Variants in PKD1 observed in about 807,000 individuals in gnomAD.
The protein encoded by PKD1 is polycystin-1.
A neutral mutation model predicts 361.7 loss-of-function variants in PKD1; 81 were observed. The ratio of observed to expected loss-of-function variants is 0.22; its 90% confidence interval spans 0.19 to 0.27. PKD1 has a LOEUF of 0.27. Ranked by LOEUF, PKD1 falls within the 10% of genes least tolerant of loss-of-function variation. The probability of loss-of-function intolerance (pLI) is 1.00; values close to 1 mark genes in which losing one functional copy is unlikely to be tolerated. For missense variants in PKD1, 6,399 were observed against 6,118.3 expected, an observed-to-expected ratio of 1.05 and a Z score of -1.53; for synonymous variants, 3,615 against 2,818.3, an observed-to-expected ratio of 1.28 and a Z score of -8.95.
Position 2,092,603 on chromosome 16 carries a change from A to G in PKD1, c.11157-11T>C. The G allele has an allele frequency of 6.3e-7, 1 of 1,580,406 alleles. No homozygotes were observed. The highest frequency in any genetic ancestry group is 8.7e-7 in the Non-Finnish European group (1 of 1,152,110). On this transcript the variant is annotated splice_polypyrimidine_tract_variant and intron_variant, in intron 38 of 45. Coordinates refer to ENST00000262304, the MANE Select transcript of PKD1 (RefSeq NM_001009944.3). Reference sequence around the variant, plus strand: ...CAGAGCTCCTCAGACCTGCCACAGCATCAGTCACACGCTCCAGCCCCTACT... The same window carrying G: ...CAGAGCTCCTCAGACCTGCCACAGCGTCAGTCACACGCTCCAGCCCCTACT...
chr16:2,119,684 G>A lies in PKD1; in HGVS notation c.216-306C>T, dbSNP rs1021086547. On this transcript the variant is annotated intron_variant, in intron 1 of 45. Transcript: ENST00000262304. ...ACGGACCCCCAACCCATCCCACGCA[G>A]GGCCAAGGCCCCCCATCCCCTGTCC... 1.2e-5 allele frequency: 7 copies of A among 606,964 alleles called. No homozygotes were observed. In the African/African-American group the frequency reaches 1.3e-4, roughly 11 times the overall value. The allele number at this position is 606,964 out of a possible 1,614,324, so 37.6% of individuals were successfully genotyped here.
intron 34 of PKD1, among the ~76,000 whole-genome samples, chr16:2,096,223 CCCCTGTGCATGCAGG>C (rs1212080105): frequency 2.0e-5 from 3 of 152,278 alleles, no homozygotes; most frequent in African/African-American, 7.2e-5. Context: ...GACACCGCAG[CCCCTGTGCATGCAGG>C]CCCTGTGGTG....
At position 2,098,004 on chromosome 16, in the gene PKD1, G is replaced by A. The variant is rs1188739683; in HGVS notation, c.10051-20C>T. 6.3e-6 allele frequency: 9 copies of A among 1,437,756 alleles called. No homozygotes were observed. The highest frequency in any genetic ancestry group is 8.7e-6 in the Non-Finnish European group (9 of 1,030,060). 89.1% of individuals were successfully genotyped at this position (1,437,756 alleles called of 1,614,324 possible). On this transcript the variant is annotated intron_variant, in intron 30 of 45. Coordinates refer to ENST00000262304, the MANE Select transcript of PKD1 (RefSeq NM_001009944.3). ...AGCCACCTGCAGGACGAGGGCAGTG[G>A]TCAGCGGGCGGCAGCTCAGACCTGC...
chr16:2,098,045 G>C (rs1596504087), intron 30 of PKD1, 61 bp from the exon 31 acceptor site: 4 of 842,598 alleles, frequency 4.7e-6, no homozygotes, highest in African/African-American at 3.3e-5. Flanking sequence ...ACAGGGATGA[G>C]AAGCCACCTC....
At chr16:2,101,477 T>G (rs1428476189) in intron 26 of PKD1, among the ~76,000 whole-genome samples, 1 of 151,964 alleles carries the variant, frequency 6.6e-6, no homozygotes, top group East Asian at 1.9e-4. Context: ...ATTAACTGGG[T>G]GTGGTGGTGT....
chr16:2,093,003 T>G lies in PKD1; in HGVS notation c.11107A>C (p.Ser3703Arg). 1.9e-6 allele frequency: 3 copies of G among 1,612,940 alleles called. No individual in the cohort carries two copies. Among genetic ancestry groups the G allele is most frequent in the Non-Finnish European group, 2.5e-6 (3 of 1,179,982 alleles). The change falls in exon 38 of 46, where the codon AGC (serine) becomes CGC (arginine). Residue 3703 changes from serine (S) to arginine (R), a missense_variant. By Grantham distance (110) the Ser-to-Arg change is moderately radical. Coordinates refer to ENST00000262304, the MANE Select transcript of PKD1 (RefSeq NM_001009944.3). ...SCHGHAYRLQSAIKQELHSRA... is the reference protein window; with the variant it reads ...SCHGHAYRLQRAIKQELHSRA... ...CTGTGCAGCTCCTGCTTGATGGCGC[T>G]TTGCAGACGGTAGGCGTGCCCATGG...
rs142575178 is a variant in PKD1 at position 2,110,295 on chromosome 16, G to A, written c.4872C>T (p.Ile1624=). Residue 1624 remains isoleucine (I), a synonymous_variant, in exon 15 of 46, where the codon ATC becomes ATT. Coordinates refer to ENST00000262304, the MANE Select transcript of PKD1 (RefSeq NM_001009944.3). Reference sequence around the variant, plus strand: ...CTATGAGCTGCAGGACATAGACGAAGATGCTGTCCTGGGCGGAGCCCACCT... The same window carrying A: ...CTATGAGCTGCAGGACATAGACGAAAATGCTGTCCTGGGCGGAGCCCACCT... ...ENEVGSAQDS[I]FVYVLQLIEG... 592 of 1,612,654 alleles carry A rather than the reference G, an allele frequency of 3.7e-4. 3 individuals are homozygous for A. The African/African-American group carries it at 7.3e-3, about 20-fold the overall frequency.
In PKD1 at chr16:2,094,181, GTC is replaced by G. The variant is rs1378307448; in HGVS notation, c.10527_10528del (p.Glu3509AspfsTer117). On this transcript the variant is annotated frameshift_variant, in exon 35 of 46. Coordinates refer to ENST00000262304, the MANE Select transcript of PKD1 (RefSeq NM_001009944.3). LOFTEE classifies it high-confidence loss of function. ...CTCCCCCAGCCTCTGCAGCGCCAGCGTCTCTGTCTTCTCCCCAGGAGTGCTGG... is the reference window on the plus strand; with the variant it reads ...CTCCCCCAGCCTCTGCAGCGCCAGCGTCTGTCTTCTCCCCAGGAGTGCTGG... The G allele has an allele frequency of 6.2e-7, 1 of 1,605,638 alleles. No individual in the cohort carries two copies. The highest frequency in any genetic ancestry group is 1.3e-5 in the African/African-American group (1 of 74,828).
rs745343302 is a variant in PKD1 at position 2,114,594 on chromosome 16, T to C, written c.2429A>G (p.Asn810Ser). The C allele has an allele frequency of 1.8e-5, 29 of 1,591,608 alleles. No individual in the cohort carries two copies. The highest frequency in any genetic ancestry group is 2.3e-4 in the Middle Eastern group (1 of 4,438). ...AEVGNGVSRH[N>S]LSCSFDVVSP... Reference sequence around the variant, plus strand: ...GACCACGTCAAAGCTGCAGGAGAGGTTGTGCCTGGACACGCCATTGCCCAC... The same window carrying C: ...GACCACGTCAAAGCTGCAGGAGAGGCTGTGCCTGGACACGCCATTGCCCAC... Residue 810 changes from asparagine to serine, a missense_variant, in exon 11 of 46, where the codon AAC becomes AGC. Transcript: ENST00000262304.
In PKD1 at chr16:2,110,045, C is replaced by T. The variant is rs758961825; in HGVS notation, c.5122G>A (p.Ala1708Thr). The change falls in exon 15 of 46, where the codon GCC (alanine) becomes ACC (threonine). Residue 1708 changes from alanine to threonine, a missense_variant. By Grantham distance (58) the Ala-to-Thr change is moderately conservative. Transcript: ENST00000262304. ...RATNMLGSAW[A>T]DCTMDFVEPV... ...TCCACGAAGTCCATGGTGCAGTCGG[C>T]CCAGGCGCTGCCCAGCATGTTGGTG... The T allele has an allele frequency of 1.2e-6, 2 of 1,610,328 alleles. No homozygotes were observed. The highest frequency in any genetic ancestry group is 2.2e-5 in the East Asian group (1 of 44,864).
Position 2,112,325 on chromosome 16 carries a change from C to G in PKD1, c.3295+15G>C. 6.3e-7 allele frequency: 1 copy of G among 1,583,876 alleles called. No homozygotes were observed. Among genetic ancestry groups the G allele is most frequent in the Non-Finnish European group, 8.5e-7 (1 of 1,171,868 alleles). Reference sequence around the variant, plus strand: ...GCCTGAAAGGCAGTGGCCCCCTCACCCCCTCATCCCTCACCTGGGGCAGCG... The same window carrying G: ...GCCTGAAAGGCAGTGGCCCCCTCACGCCCTCATCCCTCACCTGGGGCAGCG... On this transcript the variant is annotated intron_variant, in intron 14 of 45. Coordinates refer to ENST00000262304, the MANE Select transcript of PKD1 (RefSeq NM_001009944.3).
chr16:2,115,438 G>C lies in PKD1; in HGVS notation c.2037C>G (p.Pro679=). 1 of 1,594,144 alleles carries C rather than the reference G, an allele frequency of 6.3e-7. No individual in the cohort carries two copies. The highest frequency in any genetic ancestry group is 8.5e-7 in the Non-Finnish European group (1 of 1,171,718). The stretch of plus-strand genomic sequence containing the variant: ...AGAGGAACTCTCTCCATAGCGCATA[G>C]GGGGCCCCGGGTAGCCCTGGCCCTG... ...CTSGPGLPGA[P]YALWREFLFS... is the part of the protein sequence containing the mutation. Residue 679 remains proline (P), a synonymous_variant, in exon 10 of 46, where the codon CCC becomes CCG. Coordinates refer to ENST00000262304, the MANE Select transcript of PKD1 (RefSeq NM_001009944.3).
At position 2,109,091 on chromosome 16, in the gene PKD1, C is replaced by T. The variant is rs1465978343; in HGVS notation, c.6076G>A (p.Val2026Ile). The T allele has an allele frequency of 9.4e-6, 15 of 1,603,246 alleles. No homozygotes were observed. The highest frequency in any genetic ancestry group is 2.2e-5 in the East Asian group (1 of 44,638). The change falls in exon 15 of 46, where the codon GTC becomes ATC. Residue 2026 changes from valine (V) to isoleucine (I), a missense_variant. Val to Ile is a conservative substitution (Grantham distance 29, BLOSUM62 3). Coordinates refer to ENST00000262304, the MANE Select transcript of PKD1 (RefSeq NM_001009944.3). ...CCCGCGGCCACGGGCGTGTAGGTGA[C>T]GTCGCGGCCCGACAGGATGACCAGC... ...DSLVILSGRD[V>I]TYTPVAAGLL...
At position 2,110,317 on chromosome 16, in the gene PKD1, A is replaced by G. The variant is rs139372870; in HGVS notation, c.4850T>C (p.Val1617Ala). 3.1e-6 allele frequency: 5 copies of G among 1,612,498 alleles called. No individual in the cohort carries two copies. In the African/African-American group the frequency reaches 5.3e-5, roughly 17 times the overall value. ...GAAGATGCTGTCCTGGGCGGAGCCC[A>G]CCTCGTTCTCAGCCGTGACGATGAT... ...FNIIVTAENE[V>A]GSAQDSIFVY... is the part of the protein sequence containing the mutation. Residue 1617 changes from valine to alanine, a missense_variant, in exon 15 of 46, where the codon GTG becomes GCG. Val to Ala is a moderately conservative substitution (Grantham distance 64). Transcript: ENST00000262304.
Position 2,109,752 on chromosome 16 carries a change from G to C in PKD1, c.5415C>G (p.Leu1805=), listed in dbSNP as rs768246982. Residue 1805 remains leucine (L), a synonymous_variant, in exon 15 of 46, where the codon CTC becomes CTG. Coordinates refer to ENST00000262304, the MANE Select transcript of PKD1 (RefSeq NM_001009944.3). ...EVDVQVPVSG[L]SIRASEPGGS... is the part of the protein sequence containing the mutation. ...CTCCGGGCTCGCTGGCCCTGATGCT[G>C]AGGCCACTCACAGGCACCTGCACAT... The C allele has an allele frequency of 2.5e-6, 4 of 1,609,452 alleles. No individual in the cohort carries two copies. The highest frequency in any genetic ancestry group is 3.4e-6 in the Non-Finnish European group (4 of 1,179,322).
Position 2,097,670 on chromosome 16 carries a change from C to T in PKD1, c.10220+58G>A, listed in dbSNP as rs1451662198. ...GCAAGGACACGCAGCCCGCACACCC[C>T]CGGCACCCCAGACACAGTGACCTGC... On this transcript the variant is annotated intron_variant, in intron 32 of 45. Transcript: ENST00000262304. 11 of 1,610,670 alleles carry T rather than the reference C, an allele frequency of 6.8e-6. No homozygotes were observed. The African/African-American group carries it at 1.5e-4, about 22-fold the overall frequency.
intron 1 of PKD1, chr16:2,119,927 A>G: frequency 1.4e-6 from 1 of 690,678 alleles, no homozygotes; most frequent in South Asian, 1.5e-5. Context: ...CAAGACCTCC[A>G]AGACGGCCAG....
rs377144996 is a variant in PKD1 at position 2,109,104 on chromosome 16, C to T, written c.6063G>A (p.Leu2021=). 183 of 1,603,138 alleles carry T rather than the reference C, an allele frequency of 1.1e-4. No individual in the cohort carries two copies. The highest frequency in any genetic ancestry group is 1.4e-4 in the Non-Finnish European group (170 of 1,174,098). The change falls in exon 15 of 46, where the codon CTG becomes CTA. Residue 2021 remains leucine, a synonymous_variant. Transcript: ENST00000262304. ...QKVQGDSLVI[L]SGRDVTYTPV... ...GCGTGTAGGTGACGTCGCGGCCCGA[C>T]AGGATGACCAGCGAGTCGCCCTGGA...
chr16:2,126,000 A>G (rs28725380), intron 1 of PKD1, among the ~76,000 whole-genome samples: 38,055 of 150,564 alleles, frequency 0.25, 6,257 homozygotes, highest in African/African-American at 0.46. Context: ...TAGGAAGAGG[A>G]TGGTGGGGGG....
Sources: allele counts gnomAD v4.1 joint callset (sites outside exome capture counted in the v4.1 genomes callset), GRCh38; gene constraint gnomAD v4.1.1; transcripts MANE v1.5; gene names NCBI Gene and HGNC (gene_info 2026-07-23, HGNC 2026-07-21).